Variants in GALNTL6 observed in about 807,000 individuals in gnomAD.
GALNTL6 encodes polypeptide N-acetylgalactosaminyltransferase like 6.
In GALNTL6, 46 loss-of-function variants were observed where a neutral mutation model predicts 73.7. The ratio of observed to expected loss-of-function variants is 0.62; its 90% confidence interval spans 0.49 to 0.80. The LOEUF is 0.80. Among genes scored for constraint, GALNTL6 ranks in the 30% least tolerant of loss-of-function variants. GALNTL6 has a pLI of 0.00. For missense variants in GALNTL6, 604 were observed against 755.0 expected, an observed-to-expected ratio of 0.80 and a Z score of 2.34; for synonymous variants, 259 against 263.7, an observed-to-expected ratio of 0.98 and a Z score of 0.17.
intron 2 of GALNTL6, among the ~76,000 whole-genome samples, chr4:172,203,076 C>T (rs1736006192): frequency 6.6e-6 from 1 of 152,132 alleles, no homozygotes; most frequent in African/African-American, 2.4e-5. Context: ...AAAATGTGTA[C>T]ATTTGGCTAA....
intron 10 of GALNTL6, among the ~76,000 whole-genome samples, chr4:172,961,867 G>C (rs1359493783): frequency 6.6e-6 from 1 of 152,210 alleles, no homozygotes; most frequent in Non-Finnish European, 1.5e-5. Flanking sequence ...TCTCCCAAGG[G>C]AGGTCCCCCG....
At chr4:172,304,743 A>G (rs1740066591) in intron 3 of GALNTL6, among the ~76,000 whole-genome samples, 2 of 152,148 alleles carry the variant, frequency 1.3e-5, no homozygotes, top group South Asian at 4.1e-4. Context: ...CTCTATTTAG[A>G]TAGACTTATT....
At chr4:172,635,672 T>C (rs1231026417) in intron 5 of GALNTL6, among the ~76,000 whole-genome samples, 1 of 152,194 alleles carries the variant, frequency 6.6e-6, no homozygotes, top group Non-Finnish European at 1.5e-5. Context: ...ACATTCCTTG[T>C]AAAACATAGC....
At chr4:172,866,054 A>G (rs550316975) in intron 7 of GALNTL6, among the ~76,000 whole-genome samples, 2 of 152,118 alleles carry the variant, frequency 1.3e-5, no homozygotes, top group South Asian at 4.2e-4. Flanking sequence ...CCTTCTTCCC[A>G]TCCTTACTGC....
At chr4:172,590,008 G>T (rs527247319) in intron 5 of GALNTL6, among the ~76,000 whole-genome samples, 123 of 152,288 alleles carry the variant, frequency 8.1e-4, no homozygotes, top group African/African-American at 2.9e-3. Flanking sequence ...AGAGGAAGGG[G>T]ACTCAGAGGC....
At chr4:171,976,851 T>C (rs1438466034) in intron 2 of GALNTL6, among the ~76,000 whole-genome samples, 1 of 152,182 alleles carries the variant, frequency 6.6e-6, no homozygotes. Flanking sequence ...CAAAAATCTC[T>C]AAAGAATACA....
At chr4:171,837,923 T>C (rs913987993) in intron 2 of GALNTL6, among the ~76,000 whole-genome samples, 2 of 151,282 alleles carry the variant, frequency 1.3e-5, no homozygotes, top group African/African-American at 4.8e-5. Context: ...GCATGTTACA[T>C]TACTAGGTTA....
chr4:172,825,343 C>T (rs1368644304), intron 7 of GALNTL6, among the ~76,000 whole-genome samples: 2 of 151,996 alleles, frequency 1.3e-5, no homozygotes, highest in Admixed American at 6.6e-5. Flanking sequence ...GTTGGCCACT[C>T]CAGGTTGCAA....
intron 5 of GALNTL6, among the ~76,000 whole-genome samples, chr4:172,802,267 G>A (rs1740693314): frequency 6.6e-6 from 1 of 152,170 alleles, no homozygotes; most frequent in African/African-American, 2.4e-5. Context: ...TATTAAAGCT[G>A]AAAGAGCCAG....
At position 172,028,301 on chromosome 4, in the gene GALNTL6, A is replaced by C. The variant is rs1480067978; in HGVS notation, c.139-201355A>C. Among the ~76,000 whole-genome samples the C allele has an allele frequency of 4.5e-5, 6 of 134,154 alleles. No homozygotes were observed. In the East Asian group the frequency reaches 1.2e-3, roughly 28 times the overall value. 88.0% of individuals were successfully genotyped at this position (134,154 alleles called of 152,430 possible). A position where few individuals can be genotyped will look rare whatever the true frequency, so the allele number is the denominator to read the frequency against. On this transcript the variant is annotated intron_variant, in intron 2 of 12. Transcript: ENST00000506823. ...AGTGCGAAATGAAAAAAAAAGTATA[A>C]AAACTTCAAAAAAATATAAAGTTGA...
chr4:171,906,445 A>T (rs1460521105), intron 2 of GALNTL6, among the ~76,000 whole-genome samples: 1 of 151,848 alleles, frequency 6.6e-6, no homozygotes, highest in African/African-American at 2.4e-5. Context: ...CTAAACCAGG[A>T]AGAAGTTGAA....
At chr4:172,573,039 C>A (rs894450092) in intron 5 of GALNTL6, among the ~76,000 whole-genome samples, 5 of 152,070 alleles carry the variant, frequency 3.3e-5, no homozygotes, top group African/African-American at 1.2e-4. Flanking sequence ...CTAAATAGAA[C>A]AGAGTGCAAT....
At chr4:172,822,852 AGTCT>A (rs1742016516) in intron 7 of GALNTL6, among the ~76,000 whole-genome samples, 1 of 151,944 alleles carries the variant, frequency 6.6e-6, no homozygotes, top group Admixed American at 6.6e-5. Flanking sequence ...TGGTGTCCTG[AGTCT>A]GTCTGTCTGT....
At chr4:172,525,435 T>G (rs911181138) in intron 5 of GALNTL6, among the ~76,000 whole-genome samples, 31 of 152,216 alleles carry the variant, frequency 2.0e-4, no homozygotes, top group Non-Finnish European at 8.8e-5. Context: ...CTTCTTTTGC[T>G]GGATTTGATG....
chr4:172,979,563 A>G (rs940944839), intron 10 of GALNTL6, among the ~76,000 whole-genome samples: 4 of 152,178 alleles, frequency 2.6e-5, no homozygotes, highest in Non-Finnish European at 4.4e-5. Flanking sequence ...TTCAAATACT[A>G]TTTCCTCTTC....
intron 5 of GALNTL6, among the ~76,000 whole-genome samples, chr4:172,490,163 C>T (rs1733845875): frequency 6.6e-6 from 1 of 151,984 alleles, no homozygotes; most frequent in African/African-American, 2.4e-5. Flanking sequence ...CTGAGAGAGA[C>T]TGAAGCAGCA....
intron 8 of GALNTL6, among the ~76,000 whole-genome samples, chr4:172,888,798 CGA>C (rs1745864938): frequency 6.6e-6 from 1 of 152,034 alleles, no homozygotes; most frequent in East Asian, 1.9e-4. Flanking sequence ...CTGTGAAAAA[CGA>C]CATTGGTAAT....
chr4:172,893,038 G>A (rs1245078447), intron 8 of GALNTL6, among the ~76,000 whole-genome samples: 2 of 152,148 alleles, frequency 1.3e-5, no homozygotes, highest in African/African-American at 2.4e-5. Flanking sequence ...TGGCACCCAC[G>A]GCCTGCTGTT....
At chr4:171,993,484 T>C (rs1740397704) in intron 2 of GALNTL6, among the ~76,000 whole-genome samples, 1 of 152,054 alleles carries the variant, frequency 6.6e-6, no homozygotes, top group African/African-American at 2.4e-5. Context: ...GAGTGTGAAG[T>C]TTACCCTATT....
Sources: allele counts gnomAD v4.1 joint callset (sites outside exome capture counted in the v4.1 genomes callset), GRCh38; gene constraint gnomAD v4.1.1; transcripts MANE v1.5; gene names NCBI Gene and HGNC (gene_info 2026-07-23, HGNC 2026-07-21).